Variants in TGFBR2 observed in about 807,000 individuals in gnomAD.
The protein encoded by TGFBR2 is transforming growth factor beta receptor 2, also known as TGF-beta receptor type-2.
In TGFBR2, 18 loss-of-function variants were observed where a neutral mutation model predicts 49.0. That is an observed-to-expected ratio of 0.37 (90% CI 0.25 to 0.54). TGFBR2 has a LOEUF of 0.54. Among genes scored for constraint, TGFBR2 ranks in the 20% least tolerant of loss-of-function variants. TGFBR2 has a pLI of 0.85. For synonymous variants in TGFBR2, 282 were observed against 275.9 expected (o/e 1.02, Z -0.22); for missense variants, 525 against 722.6 (o/e 0.73, Z 3.13).
intron 1 of TGFBR2, among the ~76,000 whole-genome samples, chr3:30,622,879 C>CAAAAAAAAA (rs10575244): frequency 5.3e-5 from 4 of 75,624 alleles, no homozygotes; most frequent in Non-Finnish European, 6.9e-5. Flanking sequence ...GACTTTGTCT[C>CAAAAAAAAA]AAAAAAAAAA....
At chr3:30,686,860 G>A (rs1328126872) in intron 5 of TGFBR2, among the ~76,000 whole-genome samples, 1 of 152,122 alleles carries the variant, frequency 6.6e-6, no homozygotes, top group Non-Finnish European at 1.5e-5. Flanking sequence ...TTGTTTTAAT[G>A]TTTGGCCAGA....
intron 1 of TGFBR2, among the ~76,000 whole-genome samples, chr3:30,641,676 G>A (rs537751745): frequency 6.6e-6 from 1 of 152,066 alleles, no homozygotes; most frequent in Non-Finnish European, 1.5e-5. Flanking sequence ...AATTCTTATT[G>A]TACACTGCCC....
intron 1 of TGFBR2, chr3:30,623,136 T>C (rs1698264363): frequency 3.4e-6 from 3 of 869,734 alleles, no homozygotes; most frequent in Non-Finnish European, 1.9e-6. Context: ...CAGTTTCACT[T>C]TCCTGTCATC....
intron 1 of TGFBR2, among the ~76,000 whole-genome samples, chr3:30,619,260 A>G (rs1415840349): frequency 6.6e-6 from 1 of 152,184 alleles, no homozygotes; most frequent in African/African-American, 2.4e-5. Context: ...CTGAACTCTT[A>G]TATTTGTCAT....
Position 30,606,922 on chromosome 3 carries a change from C to T in TGFBR2, c.39C>T (p.His13=). The T allele has an allele frequency of 1.9e-6, 3 of 1,599,712 alleles. No homozygotes were observed. Among genetic ancestry groups the T allele is most frequent in the Non-Finnish European group, 2.6e-6 (3 of 1,173,082 alleles). ...RGLLRGLWPL[H]IVLWTRIAST... ...TGCTCAGGGGCCTGTGGCCGCTGCA[C>T]ATCGTCCTGTGGACGCGTATCGCCA... The change falls in exon 1 of 7, where the codon CAC becomes CAT. Residue 13 remains histidine, a synonymous_variant. Coordinates refer to ENST00000295754, the MANE Select transcript of TGFBR2 (RefSeq NM_003242.6).
chr3:30,666,281 T>C (rs550245430), intron 3 of TGFBR2, among the ~76,000 whole-genome samples: 128 of 152,246 alleles, frequency 8.4e-4, no homozygotes, highest in African/African-American at 2.8e-3. Flanking sequence ...TCATGGAAGG[T>C]CCCAATAGTG....
chr3:30,665,881 AT>A (rs1261591771), intron 3 of TGFBR2, among the ~76,000 whole-genome samples: 1 of 152,212 alleles, frequency 6.6e-6, no homozygotes, highest in African/African-American at 2.4e-5. Context: ...AACCAATTAC[AT>A]TGAAATACAA....
intron 1 of TGFBR2, among the ~76,000 whole-genome samples, chr3:30,620,759 A>T (rs1698214765): frequency 6.6e-6 from 1 of 152,034 alleles, no homozygotes; most frequent in African/African-American, 2.4e-5. Flanking sequence ...TTTTCTCTTT[A>T]TGAGTCATAG....
At chr3:30,639,911 CTA>C (rs1231924883) in intron 1 of TGFBR2, among the ~76,000 whole-genome samples, 2 of 152,166 alleles carry the variant, frequency 1.3e-5, no homozygotes, top group Non-Finnish European at 2.9e-5. Flanking sequence ...ATAATAGACA[CTA>C]TTTCAAAGAT....
chr3:30,612,186 G>A (rs558554972), intron 1 of TGFBR2, among the ~76,000 whole-genome samples: 1 of 152,300 alleles, frequency 6.6e-6, no homozygotes, highest in East Asian at 1.9e-4. Context: ...AACCTACCCT[G>A]AGACAGCCAC....
chr3:30,636,943 A>G (rs1698547231), intron 1 of TGFBR2, among the ~76,000 whole-genome samples: 1 of 151,976 alleles, frequency 6.6e-6, no homozygotes, highest in Admixed American at 6.6e-5. Context: ...GGGCACCTGT[A>G]GTCCCAGCTG....
Position 30,672,970 on chromosome 3 carries a change from C to T in TGFBR2, c.1254+533C>T, listed in dbSNP as rs552343175. On this transcript the variant is annotated intron_variant, in intron 4 of 6. Transcript: ENST00000295754. The surrounding 1 kb of genome is among the most constrained non-coding windows in gnomAD (Gnocchi z 4.5). ...AGTGAGCACTTCCACTCTTGAAGCA[C>T]TCTCACAGATTAAAATGGAAATGTT... Among the ~76,000 whole-genome samples, 3 of 152,328 alleles carry T rather than the reference C, an allele frequency of 2.0e-5. No homozygotes were observed. Among genetic ancestry groups the T allele is most frequent in the South Asian group, 4.1e-4 (2 of 4,834 alleles).
At chr3:30,624,557 A>G (rs867990931) in intron 1 of TGFBR2, among the ~76,000 whole-genome samples, 155 of 152,128 alleles carry the variant, frequency 1.0e-3, no homozygotes, top group African/African-American at 3.6e-3. Flanking sequence ...CGGAGGTTGC[A>G]GTGAGCTGAG....
chr3:30,688,567 T>C (rs758805525), intron 6 of TGFBR2, 56 bp downstream of exon 6: 14 of 1,608,534 alleles, frequency 8.7e-6, no homozygotes, highest in Non-Finnish European at 1.2e-5. Context: ...GCCTCTTAGG[T>C]GGCAGAGAAT....
In TGFBR2 at chr3:30,644,862, C is replaced by T. The variant is rs1405785027; in HGVS notation, c.210C>T (p.Asn70=). Residue 70 remains asparagine (N), a synonymous_variant, in exon 2 of 7, where the codon AAC becomes AAT. Transcript: ENST00000295754. ...ACAACCAGAAATCCTGCATGAGCAA[C>T]TGCAGCATCACCTCCATCTGTGAGA... ...TCDNQKSCMS[N]CSITSICEKP... is the part of the protein sequence containing the mutation. 5 of 1,614,048 alleles carry T rather than the reference C, an allele frequency of 3.1e-6. No individual in the cohort carries two copies. The African/African-American group carries it at 6.7e-5, about 22-fold the overall frequency.
chr3:30,671,680 A>G lies in TGFBR2; in HGVS notation c.497A>G (p.Gln166Arg), dbSNP rs770804409. The change falls in exon 4 of 7, where the codon CAA becomes CGA. Residue 166 changes from glutamine (Q) to arginine (R), a missense_variant. By Grantham distance (43) the Gln-to-Arg change is conservative. Transcript: ENST00000295754. ...CCTGACTTGTTGCTAGTCATATTTCAAGTGACAGGCATCAGCCTCCTGCCA... is the reference window on the plus strand; with the variant it reads ...CCTGACTTGTTGCTAGTCATATTTCGAGTGACAGGCATCAGCCTCCTGCCA... ...SNPDLLLVIFQVTGISLLPPL... is the reference protein window; with the variant it reads ...SNPDLLLVIFRVTGISLLPPL... The G allele has an allele frequency of 1.9e-6, 3 of 1,614,224 alleles. No homozygotes were observed. In the South Asian group the frequency reaches 3.3e-5, roughly 18 times the overall value.
chr3:30,660,059 A>G (rs1699090533), intron 3 of TGFBR2, among the ~76,000 whole-genome samples: 1 of 152,178 alleles, frequency 6.6e-6, no homozygotes, highest in African/African-American at 2.4e-5. Flanking sequence ...GGAAAATATC[A>G]ATTTTGCCAT....
Position 30,672,538 on chromosome 3 carries a change from C to G in TGFBR2, c.1254+101C>G, listed in dbSNP as rs968871132. 14 of 1,293,918 alleles carry G rather than the reference C, an allele frequency of 1.1e-5. No homozygotes were observed. Among genetic ancestry groups the G allele is most frequent in the Non-Finnish European group, 1.6e-5 (14 of 892,306 alleles). 80.2% of individuals were successfully genotyped at this position (1,293,918 alleles called of 1,614,324 possible). On this transcript the variant is annotated intron_variant, in intron 4 of 6. Transcript: ENST00000295754. The surrounding 1 kb of genome is among the most constrained non-coding windows in gnomAD (Gnocchi z 4.5). Reference sequence around the variant, plus strand: ...CTCTTATCTCAAACAGCCCTGTACTCTGGACACTGGTCTAGGGAATCTAGC... The same window carrying G: ...CTCTTATCTCAAACAGCCCTGTACTGTGGACACTGGTCTAGGGAATCTAGC...
intron 1 of TGFBR2, among the ~76,000 whole-genome samples, chr3:30,636,206 A>T (rs9820508): frequency 6.7e-6 from 1 of 149,808 alleles, no homozygotes; most frequent in Non-Finnish European, 1.5e-5. Context: ...TGTGTATAGT[A>T]CTGGGATTAC....
Sources: gnomAD v4.1 joint callset for allele counts (sites outside exome capture counted in the v4.1 genomes callset) on GRCh38, gnomAD v4.1.1 for gene constraint, Gnocchi (gnomAD v3.1) non-coding constraint, MANE v1.5 for transcripts, NCBI Gene and HGNC (gene_info 2026-07-23, HGNC 2026-07-21) for gene names.